The following RSU1 variants were observed in gnomAD, a reference collection of about 807,000 sequenced individuals.
The protein encoded by RSU1 is rsu-1.
A neutral mutation model predicts 31.1 loss-of-function variants in RSU1; 26 were observed. The observed-to-expected ratio is 0.84, with a 90% CI of 0.61 to 1.16. RSU1 has a LOEUF of 1.16. Ranked by LOEUF, RSU1 falls within the 50% of genes most tolerant of loss-of-function variation. The pLI is 0.00. For missense variants in RSU1, 320 were observed against 339.1 expected, an observed-to-expected ratio of 0.94 and a Z score of 0.44; for synonymous variants, 164 against 136.3, an observed-to-expected ratio of 1.20 and a Z score of -1.41.
At chr10:16,605,318 T>C (rs1316301239) in intron 8 of RSU1, among the ~76,000 whole-genome samples, 1 of 152,216 alleles carries the variant, frequency 6.6e-6, no homozygotes, top group African/African-American at 2.4e-5. Context: ...GTCTGTTTCC[T>C]GCCTCCCCTG....
intron 2 of RSU1, among the ~76,000 whole-genome samples, chr10:16,809,483 G>C (rs1838355179): frequency 6.6e-6 from 1 of 152,176 alleles, no homozygotes; most frequent in Non-Finnish European, 1.5e-5. Flanking sequence ...CAGCCTCCCA[G>C]GGAGCCCAGG....
chr10:16,604,371 G>A (rs1005009111), intron 8 of RSU1, among the ~76,000 whole-genome samples: 3 of 152,230 alleles, frequency 2.0e-5, no homozygotes, highest in African/African-American at 4.8e-5. Context: ...CACTGAAAAC[G>A]GGGGAGAAAA....
intron 7 of RSU1, among the ~76,000 whole-genome samples, chr10:16,701,146 G>A (rs1174180641): frequency 6.6e-6 from 1 of 152,198 alleles, no homozygotes; most frequent in Non-Finnish European, 1.5e-5. Context: ...CATGTTAACA[G>A]TATGGATTAT....
At chr10:16,703,707 T>G (rs142096887) in intron 7 of RSU1, among the ~76,000 whole-genome samples, 1 of 152,334 alleles carries the variant, frequency 6.6e-6, no homozygotes, top group Admixed American at 6.5e-5. Flanking sequence ...TTATACAGCA[T>G]GATCTTAACT....
intron 8 of RSU1, among the ~76,000 whole-genome samples, chr10:16,624,024 CTCACATTCAG>C (rs553411005): frequency 1.6e-3 from 239 of 152,150 alleles, no homozygotes; most frequent in Middle Eastern, 6.8e-3. Flanking sequence ...AGTCTAAGGG[CTCACATTCAG>C]TCTTCTGTTT....
chr10:16,671,627 T>TTTG (rs1835106661), intron 8 of RSU1, among the ~76,000 whole-genome samples: 3 of 151,752 alleles, frequency 2.0e-5, no homozygotes, highest in African/African-American at 7.3e-5. Flanking sequence ...AGGTGTTTTT[T>TTTG]TTTGTTTGTT....
In RSU1 at chr10:16,591,781, G is replaced by C. The variant is rs980094734; in HGVS notation, c.*1613C>G. The C allele has an allele frequency of 3.9e-5, 6 of 152,082 alleles. No homozygotes were observed. Among genetic ancestry groups the C allele is most frequent in the African/African-American group, 1.4e-4 (6 of 41,416 alleles). 9.4% of individuals were successfully genotyped at this position (152,082 alleles called of 1,614,324 possible). On this transcript the variant is annotated 3_prime_UTR_variant, in exon 9 of 9. Coordinates refer to ENST00000345264, the MANE Select transcript of RSU1 (RefSeq NM_012425.4). Reference sequence around the variant, plus strand: ...TCTTGCTGGTTTAATTTTAGGTTAAGTCTTTCCTATCCACAACAGCAAAGG... The same window carrying C: ...TCTTGCTGGTTTAATTTTAGGTTAACTCTTTCCTATCCACAACAGCAAAGG...
At position 16,665,946 on chromosome 10, in the gene RSU1, A is replaced by G. The variant is rs1270019258; in HGVS notation, c.731+29077T>C. On this transcript the variant is annotated intron_variant, in intron 8 of 8. Transcript: ENST00000345264. ...TGCAAAGCTGGTATTCTGCCACATA[A>G]AATAGCTAGTCAATTGTGAACCTGA... Among the ~76,000 whole-genome samples the G allele has an allele frequency of 2.0e-5, 3 of 152,214 alleles. No homozygotes were observed. In the East Asian group the frequency reaches 5.8e-4, roughly 29 times the overall value.
At chr10:16,646,729 G>A (rs1945161128) in intron 8 of RSU1, among the ~76,000 whole-genome samples, 1 of 152,224 alleles carries the variant, frequency 6.6e-6, no homozygotes, top group Non-Finnish European at 1.5e-5. Context: ...GCATTAGCTT[G>A]CAAGGCATTG....
chr10:16,653,715 G>A (rs1278563949), intron 8 of RSU1, among the ~76,000 whole-genome samples: 1 of 152,176 alleles, frequency 6.6e-6, no homozygotes, highest in Non-Finnish European at 1.5e-5. Context: ...ATTGAAGCCA[G>A]CTGTACTAGA....
chr10:16,713,332 T>C (rs1273977526), intron 7 of RSU1, among the ~76,000 whole-genome samples: 1 of 152,222 alleles, frequency 6.6e-6, no homozygotes, highest in African/African-American at 2.4e-5. Flanking sequence ...GTTCCTATAA[T>C]GCACACATTT....
At chr10:16,669,839 T>C (rs1345314226) in intron 8 of RSU1, among the ~76,000 whole-genome samples, 1 of 152,326 alleles carries the variant, frequency 6.6e-6, no homozygotes, top group Non-Finnish European at 1.5e-5. Context: ...CTGATGGGCA[T>C]TGGGGTTGAT....
chr10:16,720,784 C>G (rs1472205840), intron 7 of RSU1, among the ~76,000 whole-genome samples: 1 of 152,142 alleles, frequency 6.6e-6, no homozygotes, highest in South Asian at 2.1e-4. Flanking sequence ...TTAGGGCTGC[C>G]ATGACAGCCT....
chr10:16,657,871 T>A (rs1240241315), intron 8 of RSU1, among the ~76,000 whole-genome samples: 2 of 152,146 alleles, frequency 1.3e-5, no homozygotes, highest in African/African-American at 4.8e-5. Flanking sequence ...ACACTTGTGA[T>A]CCCAGCTACT....
intron 7 of RSU1, among the ~76,000 whole-genome samples, chr10:16,707,349 CCAA>C (rs1835928090): frequency 6.6e-6 from 1 of 152,118 alleles, no homozygotes; most frequent in Non-Finnish European, 1.5e-5. Flanking sequence ...TACAATCCCA[CCAA>C]CAATGTGTTT....
intron 7 of RSU1, among the ~76,000 whole-genome samples, chr10:16,698,723 C>T (rs1450127544): frequency 1.3e-5 from 2 of 152,170 alleles, no homozygotes; most frequent in Non-Finnish European, 2.9e-5. Flanking sequence ...ACGCTGGATG[C>T]AAGCTAGACA....
intron 8 of RSU1, among the ~76,000 whole-genome samples, chr10:16,693,845 A>G (rs1055050527): frequency 2.6e-5 from 4 of 152,202 alleles, no homozygotes; most frequent in Admixed American, 1.3e-4. Flanking sequence ...CCAGCAATAC[A>G]GTGAGACCCT....
intron 8 of RSU1, among the ~76,000 whole-genome samples, chr10:16,689,364 C>G (rs932224123): frequency 2.0e-5 from 3 of 152,192 alleles, no homozygotes; most frequent in African/African-American, 7.2e-5. Context: ...TTGAAATGCC[C>G]TAGCCTTGTG....
chr10:16,749,831 G>A (rs995120120), intron 7 of RSU1, among the ~76,000 whole-genome samples: 9 of 152,174 alleles, frequency 5.9e-5, no homozygotes, highest in Non-Finnish European at 1.2e-4. Flanking sequence ...CTGCCTTTTC[G>A]GGAGAGTGTG....
Sources: allele counts gnomAD v4.1 joint callset (sites outside exome capture counted in the v4.1 genomes callset), GRCh38; gene constraint gnomAD v4.1.1; transcripts MANE v1.5; gene names NCBI Gene and HGNC (gene_info 2026-07-23, HGNC 2026-07-21).